TGFB1: variants seen among roughly 807,000 people sequenced by gnomAD.
TGFB1 encodes transforming growth factor beta-1 proprotein.
Under a neutral mutation model 43.8 loss-of-function variants are expected in TGFB1, and 19 were observed. The observed-to-expected ratio is 0.43, with a 90% CI of 0.30 to 0.64. The LOEUF is 0.64. Among genes scored for constraint, TGFB1 ranks in the 30% least tolerant of loss-of-function variants. The pLI, the probability that TGFB1 is intolerant of heterozygous loss-of-function variation, is 0.11. For missense variants in TGFB1, 445 were observed against 529.8 expected (o/e 0.84, Z 1.57); for synonymous variants, 221 against 236.3 (o/e 0.94, Z 0.60).
intron 5 of TGFB1, among the ~76,000 whole-genome samples, chr19:41,332,710 C>T (rs2037947108): frequency 6.6e-6 from 1 of 152,138 alleles, no homozygotes; most frequent in African/African-American, 2.4e-5. Flanking sequence ...ACAAATGAAA[C>T]AGATAGAAAT....
intron 1 of TGFB1, among the ~76,000 whole-genome samples, chr19:41,352,192 C>T (rs2038208852): frequency 6.6e-6 from 1 of 151,902 alleles, no homozygotes; most frequent in Admixed American, 6.6e-5. Context: ...TCTGGGGTTG[C>T]CTTCATCTAG....
At chr19:41,350,139 C>A (rs1485529149) in intron 1 of TGFB1, among the ~76,000 whole-genome samples, 1 of 152,084 alleles carries the variant, frequency 6.6e-6, no homozygotes, top group Non-Finnish European at 1.5e-5. Context: ...AGCCACCACA[C>A]CCACCCAGCT....
intron 5 of TGFB1, among the ~76,000 whole-genome samples, chr19:41,340,493 G>A (rs2038043436): frequency 6.6e-6 from 1 of 151,910 alleles, no homozygotes; most frequent in African/African-American, 2.4e-5. Flanking sequence ...TGTTGGCCAG[G>A]CTGGTCTTGA....
intron 3 of TGFB1, 59 bp from the exon 4 acceptor site, chr19:41,342,306 G>A (rs2038066633): frequency 6.5e-7 from 1 of 1,534,912 alleles, no homozygotes. Context: ...GCCCCTGGAG[G>A]AAGAGGAAGG....
At position 41,330,870 on chromosome 19, in the gene TGFB1, G is replaced by A; in HGVS notation, c.*182C>T. The A allele has an allele frequency of 1.8e-6, 1 of 540,684 alleles. No homozygotes were observed. The highest frequency in any genetic ancestry group is 3.2e-6 in the Non-Finnish European group (1 of 309,816). The allele number at this position is 540,684 out of a possible 1,614,324, so 33.5% of individuals were successfully genotyped here. On this transcript the variant is annotated 3_prime_UTR_variant, in exon 7 of 7. Transcript: ENST00000221930. ...GGAGTGGGAGTGGGGGAACGTCAGG[G>A]ATGGAGACCCCAGGCAGGCGCCCAA...
At chr19:41,332,376 G>A (rs1191625348) in intron 5 of TGFB1, 95 bp from the exon 6 acceptor site, 4 of 1,433,796 alleles carry the variant, frequency 2.8e-6, no homozygotes, top group Non-Finnish European at 3.8e-6. Flanking sequence ...ACCCTAGGTT[G>A]CCCCCCCAGC....
intron 5 of TGFB1, among the ~76,000 whole-genome samples, chr19:41,333,805 C>T (rs1335722158): frequency 6.6e-6 from 1 of 152,220 alleles, no homozygotes; most frequent in African/African-American, 2.4e-5. Context: ...CTGAGCCATC[C>T]TTTCCAAAAT....
intron 3 of TGFB1, among the ~76,000 whole-genome samples, chr19:41,343,980 CTTTTTTT>C (rs3061192): frequency 7.7e-4 from 76 of 98,628 alleles, no homozygotes; most frequent in South Asian, 1.8e-3. Flanking sequence ...TGCCTGGAAT[CTTTTTTT>C]TTTTTTTTTT....
rs572194678 is a variant in TGFB1 at position 41,345,752 on chromosome 19, AT to A, written c.517-889del. 4.1e-3 allele frequency among the ~76,000 whole-genome samples: 616 copies of A among 151,370 alleles called. 5 individuals are homozygous for A. Among genetic ancestry groups the A allele is most frequent in the African/African-American group, 0.014 (581 of 41,254 alleles). On this transcript the variant is annotated intron_variant, in intron 2 of 6. Coordinates refer to ENST00000221930, the MANE Select transcript of TGFB1 (RefSeq NM_000660.7). Reference sequence around the variant, plus strand: ...CCTCGTCTCTACTAAAAATACAAAAATTAGCCAGGCGTGGTGGCACACGCCT... The same window carrying A: ...CCTCGTCTCTACTAAAAATACAAAAATAGCCAGGCGTGGTGGCACACGCCT...
At chr19:41,339,363 C>T (rs1276343050) in intron 5 of TGFB1, among the ~76,000 whole-genome samples, 3 of 152,166 alleles carry the variant, frequency 2.0e-5, no homozygotes, top group African/African-American at 7.2e-5. Context: ...AAGCGATCTG[C>T]CTGCCTTGGC....
At chr19:41,332,716 G>T (rs1489114348) in intron 5 of TGFB1, among the ~76,000 whole-genome samples, 4 of 152,280 alleles carry the variant, frequency 2.6e-5, no homozygotes, top group Middle Eastern at 3.4e-3. Flanking sequence ...GAAACAGATA[G>T]AAATAGGCTA....
chr19:41,341,922 G>A lies in TGFB1; in HGVS notation c.821C>T (p.Ser274Phe), dbSNP rs775636009. The A allele has an allele frequency of 1.9e-6, 3 of 1,613,970 alleles. No homozygotes were observed. Among genetic ancestry groups the A allele is most frequent in the African/African-American group, 1.3e-5 (1 of 74,932 alleles). ...GGTGTCCAGGGCTCGGCGGTGCCGG[G>A]AGCTTTGCAGATGCTGGGCCCTCTC... ...PLERAQHLQSSRHRRALDTNY... is the reference protein window; with the variant it reads ...PLERAQHLQSFRHRRALDTNY... The change falls in exon 5 of 7, where the codon TCC becomes TTC. Residue 274 changes from serine (S) to phenylalanine (F), a missense_variant. Transcript: ENST00000221930.
At position 41,340,335 on chromosome 19, in the gene TGFB1, C is replaced by A. The variant is rs1406900036; in HGVS notation, c.860+1548G>T. 2.7e-5 allele frequency among the ~76,000 whole-genome samples: 4 copies of A among 150,196 alleles called. No homozygotes were observed. In the Admixed American group the frequency reaches 2.7e-4, roughly 10 times the overall value. On this transcript the variant is annotated intron_variant, in intron 5 of 6. Coordinates refer to ENST00000221930, the MANE Select transcript of TGFB1 (RefSeq NM_000660.7). Reference sequence around the variant, plus strand: ...GCAGTGGCGCGATCTCGGTTCACTGCAACCTCCACCCCCGAGGTTCCAGTG... The same window carrying A: ...GCAGTGGCGCGATCTCGGTTCACTGAAACCTCCACCCCCGAGGTTCCAGTG...
At chr19:41,331,287 C>T (rs183878618) in intron 6 of TGFB1, 77 bp from the exon 7 acceptor site, 4 of 1,419,076 alleles carry the variant, frequency 2.8e-6, no homozygotes, top group South Asian at 3.0e-5. Context: ...CATCCCCCAC[C>T]CGCTACCGCG....
rs199636275 is a variant in TGFB1, at chr19:41,330,916, C to T, written c.*136G>A. ...CCCAATGACACAGAGATCCGCAGTC[C>T]TCTCTCCATCTTTAATGGGGCCCCA... On this transcript the variant is annotated 3_prime_UTR_variant, in exon 7 of 7. Transcript: ENST00000221930. The T allele has an allele frequency of 3.4e-5, 24 of 704,586 alleles. No individual in the cohort carries two copies. Among genetic ancestry groups the T allele is most frequent in the Non-Finnish European group, 5.3e-5 (24 of 456,092 alleles). 43.6% of individuals were successfully genotyped at this position (704,586 alleles called of 1,614,324 possible).
chr19:41,330,412 TTTG>T lies in TGFB1; in HGVS notation c.*637_*639del, dbSNP rs1469553833. 6.6e-6 allele frequency: 1 copy of T among 152,130 alleles called. No homozygotes were observed. The highest frequency in any genetic ancestry group is 6.6e-5 in the Admixed American group (1 of 15,258). The allele number at this position is 152,130 out of a possible 1,614,324, so 9.4% of individuals were successfully genotyped here. On this transcript the variant is annotated 3_prime_UTR_variant, in exon 7 of 7. Coordinates refer to ENST00000221930, the MANE Select transcript of TGFB1 (RefSeq NM_000660.7). Reference sequence around the variant, plus strand: ...ACAGGTGTACATTTTTTAAAAGTGTTTTGTAGAGATAGGGTCTCACTATGTTAC... The same window carrying T: ...ACAGGTGTACATTTTTTAAAAGTGTTTAGAGATAGGGTCTCACTATGTTAC...
At chr19:41,345,824 C>T (rs949027659) in intron 2 of TGFB1, among the ~76,000 whole-genome samples, 3 of 151,984 alleles carry the variant, frequency 2.0e-5, no homozygotes, top group Non-Finnish European at 2.9e-5. Context: ...ATCACTTGAA[C>T]CCAAGACACA....
At chr19:41,352,345 C>T (rs1475783814) in intron 1 of TGFB1, among the ~76,000 whole-genome samples, 2 of 16,674 alleles carry the variant, frequency 1.2e-4, no homozygotes, top group African/African-American at 6.0e-4. Flanking sequence ...ACCCCACGAC[C>T]CCCCCCCCCA....
chr19:41,330,998 G>A lies in TGFB1; in HGVS notation c.*54C>T. ...CAGCCCCCATGGGCAAGGCAGCGGGGGCGGGGCGGGGTGGGGCCGGGCCTG... is the reference window on the plus strand; with the variant it reads ...CAGCCCCCATGGGCAAGGCAGCGGGAGCGGGGCGGGGTGGGGCCGGGCCTG... On this transcript the variant is annotated 3_prime_UTR_variant, in exon 7 of 7. Transcript: ENST00000221930. The A allele has an allele frequency of 6.9e-7, 1 of 1,442,204 alleles. No homozygotes were observed. Among genetic ancestry groups the A allele is most frequent in the Admixed American group, 2.5e-5 (1 of 40,040 alleles). The allele number at this position is 1,442,204 out of a possible 1,614,324, so 89.3% of individuals were successfully genotyped here.
Sources: allele counts gnomAD v4.1 joint callset (sites outside exome capture counted in the v4.1 genomes callset), GRCh38; gene constraint gnomAD v4.1.1; transcripts MANE v1.5; gene names NCBI Gene and HGNC (gene_info 2026-07-23, HGNC 2026-07-21).